The following SCART1 variants were observed in gnomAD, a reference collection of about 807,000 sequenced individuals.
SCART1 encodes the protein scavenger receptor cysteine-rich domain-containing protein SCART1.
SCART1 carries 62 observed loss-of-function variants against 36.2 expected under a neutral mutation model. The ratio of observed to expected loss-of-function variants is 1.71; its 90% confidence interval spans 1.40 to 2.12. The LOEUF (loss-of-function observed/expected upper bound fraction) is 2.12. Among genes scored for constraint, SCART1 ranks in the 30% most tolerant of loss-of-function variants. The pLI, the probability that SCART1 is intolerant of heterozygous loss-of-function variation, is 0.00. For synonymous variants in SCART1, 487 were observed against 238.7 expected, an observed-to-expected ratio of 2.04 and a Z score of -9.59; for missense variants, 1,041 against 540.5, an observed-to-expected ratio of 1.93 and a Z score of -9.18.
At chr10:133,462,100 A>G in intron 6 of SCART1, among the ~76,000 whole-genome samples, 1 of 152,168 alleles carries the variant, frequency 6.6e-6, no homozygotes, top group Middle Eastern at 3.2e-3. Context: ...CCTGCCTGAC[A>G]GGGCTGCATC....
exon 11 of SCART1, chr10:133,467,214 G>C: frequency 1.4e-6 from 1 of 701,314 alleles, no homozygotes; most frequent in Non-Finnish European, 2.6e-6. Context: ...GAAGATCCGA[G>C]GTATCTCCTG....
chr10:133,466,318 C>G, exon 10 of SCART1: 1 of 703,056 alleles, frequency 1.4e-6, no homozygotes, highest in Non-Finnish European at 2.6e-6. Context: ...CCTTCTTGGT[C>G]TTCTCCTTCT....
rs966045204 is a variant in SCART1 at position 133,456,619 on chromosome 10, G to C, written c.385+65G>C. 6 of 605,788 alleles carry C rather than the reference G, an allele frequency of 9.9e-6. No individual in the cohort carries two copies. In the African/African-American group the frequency reaches 1.1e-4, roughly 11 times the overall value. 37.5% of individuals were successfully genotyped at this position (605,788 alleles called of 1,614,324 possible). ...GGAGGAGTGGGAGGACGAGGAGGAGGACTGGGAGGACGCAGAGGAGGACTG... is the reference window on the plus strand; with the variant it reads ...GGAGGAGTGGGAGGACGAGGAGGAGCACTGGGAGGACGCAGAGGAGGACTG... On this transcript the variant is annotated intron_variant, in intron 2 of 11. Transcript: ENST00000640237.
exon 4 of SCART1, chr10:133,458,466 C>T (rs533153725): frequency 2.9e-5 from 20 of 694,440 alleles, no homozygotes; most frequent in Middle Eastern, 5.5e-4. Flanking sequence ...CCACGGCCCA[C>T]GTGGTGTGCC....
downstream of SCART1, among the ~76,000 whole-genome samples, chr10:133,469,451 G>A (rs1850794986): frequency 6.6e-6 from 1 of 152,170 alleles, no homozygotes; most frequent in Admixed American, 6.5e-5. Context: ...CAGGGACGTG[G>A]ATGAAGCTGG....
rs1850609296 is a variant in SCART1, at chr10:133,456,267, GAC to G, written c.102_103del (p.His34GlnfsTer220). ...CCAGGTGCTCTGAGGCTGGCGTACA[GAC>G]ACAGCACGTGCGACGGAGTGGTGTT... On this transcript the variant is annotated frameshift_variant, in exon 2 of 12. Coordinates refer to ENST00000640237, the Ensembl canonical transcript of SCART1. LOFTEE classifies it high-confidence loss of function. The G allele has an allele frequency of 1.3e-5, 9 of 702,846 alleles. No homozygotes were observed. The East Asian group carries it at 2.1e-4, about 17-fold the overall frequency. 43.5% of individuals were successfully genotyped at this position (702,846 alleles called of 1,614,324 possible). A position where few individuals can be genotyped will look rare whatever the true frequency, so the allele number is the denominator to read the frequency against.
In SCART1 at chr10:133,459,497, C is replaced by G. The variant is rs1394035868; in HGVS notation, c.1296C>G (p.His432Gln). ...CGTCCCCATCCCCAGGTCTGGCCCA[C>G]GCCCTGCGACTGAGGGAAGGACAGA... The change falls in exon 6 of 12, where the codon CAC becomes CAG. Residue 432 changes from histidine to glutamine, a missense_variant. His to Gln is a conservative substitution (Grantham distance 24). Coordinates refer to ENST00000640237, the Ensembl canonical transcript of SCART1. 4.6e-6 allele frequency: 3 copies of G among 647,912 alleles called. No homozygotes were observed. The African/African-American group carries it at 5.4e-5, about 12-fold the overall frequency. 40.1% of individuals were successfully genotyped at this position (647,912 alleles called of 1,614,324 possible). A position where few individuals can be genotyped will look rare whatever the true frequency, so the allele number is the denominator to read the frequency against.
intron 6 of SCART1, among the ~76,000 whole-genome samples, chr10:133,462,533 C>T (rs972716395): frequency 6.6e-5 from 10 of 152,196 alleles, no homozygotes; most frequent in African/African-American, 1.9e-4. Flanking sequence ...ATCGTGAATG[C>T]GTAACATATG....
At chr10:133,458,544 G>A (rs1258634154) in exon 4 of SCART1, 6 of 680,974 alleles carry the variant, frequency 8.8e-6, no homozygotes, top group Admixed American at 4.7e-5. Flanking sequence ...GCTCGGGGCC[G>A]GTGTGGACGG....
intron 9 of SCART1, 21 bp from the exon 10 acceptor site, chr10:133,466,214 T>G (rs753431622): frequency 2.9e-6 from 2 of 699,826 alleles, no homozygotes. Context: ...CCCAGCTGGC[T>G]CAAGACCTCT....
chr10:133,465,367 G>C (rs961466858), exon 9 of SCART1: 3 of 677,462 alleles, frequency 4.4e-6, no homozygotes, highest in Non-Finnish European at 8.0e-6. Context: ...GGCGGACGCG[G>C]AGGTCGTGTG....
Position 133,467,367 on chromosome 10 carries a change from C to T in SCART1, c.2962+14C>T, listed in dbSNP as rs778061293. The stretch of plus-strand genomic sequence containing the variant: ...CAGAAGCCGCAGGTGGGTTTGTGCT[C>T]CAGCTCAGGGGTGAGCTCTGGGGTG... On this transcript the variant is annotated intron_variant, in intron 11 of 11. Coordinates refer to ENST00000640237, the Ensembl canonical transcript of SCART1. The T allele has an allele frequency of 2.0e-5, 14 of 696,890 alleles. No individual in the cohort carries two copies. The highest frequency in any genetic ancestry group is 5.1e-4 in the Middle Eastern group (2 of 3,918). 43.2% of individuals were successfully genotyped at this position (696,890 alleles called of 1,614,324 possible).
intron 1 of SCART1, among the ~76,000 whole-genome samples, chr10:133,455,551 C>T (rs1178944740): frequency 6.6e-6 from 1 of 152,026 alleles, no homozygotes; most frequent in East Asian, 1.9e-4. Flanking sequence ...ACATGGACTT[C>T]CTCCTACTGG....
Position 133,458,374 on chromosome 10 carries a change from C to T in SCART1, c.697C>T (p.Arg233Ter), listed in dbSNP as rs542230668. ...TCTGCCCCCAGGACACACCGAGGCC[C>T]GACTGGTGGGCGGCGAGCACCCCTG... The change falls in exon 4 of 12, where the codon CGA (arginine) becomes TGA (stop). Residue 233 changes from arginine to a stop codon, truncating the protein, a stop_gained. Transcript: ENST00000640237. LOFTEE classifies it high-confidence loss of function. 2.2e-4 allele frequency: 152 copies of T among 702,634 alleles called. No homozygotes were observed. Among genetic ancestry groups the T allele is most frequent in the South Asian group, 1.9e-3 (127 of 67,596 alleles). The allele number at this position is 702,634 out of a possible 1,614,324, so 43.5% of individuals were successfully genotyped here.
chr10:133,456,631 G>T lies in SCART1; in HGVS notation c.385+77G>T, dbSNP rs574331274. Reference sequence around the variant, plus strand: ...GGACGAGGAGGAGGACTGGGAGGACGCAGAGGAGGACTGGGAGGATGGCGG... The same window carrying T: ...GGACGAGGAGGAGGACTGGGAGGACTCAGAGGAGGACTGGGAGGATGGCGG... On this transcript the variant is annotated intron_variant, in intron 2 of 11. Transcript: ENST00000640237. 5 of 600,354 alleles carry T rather than the reference G, an allele frequency of 8.3e-6. No individual in the cohort carries two copies. In the Admixed American group the frequency reaches 1.1e-4, roughly 13 times the overall value. The allele number at this position is 600,354 out of a possible 1,614,324, so 37.2% of individuals were successfully genotyped here.
At chr10:133,467,008 A>G in intron 10 of SCART1, 190 bp from the exon 11 acceptor site, 1 of 512,106 alleles carries the variant, frequency 2.0e-6, no homozygotes, top group Non-Finnish European at 3.5e-6. Flanking sequence ...GTTTGCTGGC[A>G]AGGGACGGTG....
chr10:133,459,285 C>G (rs1031917349), exon 5 of SCART1: 2 of 651,788 alleles, frequency 3.1e-6, no homozygotes, highest in South Asian at 1.7e-5. Context: ...CTGGGGGCCC[C>G]GGCCTGTGCC....
intron 3 of SCART1, 152 bp downstream of exon 3, chr10:133,457,727 C>T (rs1850637595): frequency 1.8e-6 from 1 of 570,036 alleles, no homozygotes; most frequent in Admixed American, 3.5e-5. Flanking sequence ...AGGGCCTCAG[C>T]TCTCACGCTG....
exon 6 of SCART1, chr10:133,460,064 C>T (rs778130154): frequency 2.7e-5 from 14 of 510,354 alleles, no homozygotes; most frequent in Non-Finnish European, 4.5e-5. Flanking sequence ...TCTGGCTGGA[C>T]GAGCTGGGCT....
Sources: gnomAD v4.1 joint callset for allele counts (sites outside exome capture counted in the v4.1 genomes callset) on GRCh38, gnomAD v4.1.1 for gene constraint, MANE v1.5 for transcripts, NCBI Gene and HGNC (gene_info 2026-07-23, HGNC 2026-07-21) for gene names.